Variants in ABI1 observed in about 807,000 individuals in gnomAD.
ABI1 encodes abl interactor 1.
In ABI1, 14 loss-of-function variants were observed where a neutral mutation model predicts 54.6. The ratio of observed to expected loss-of-function variants is 0.26; its 90% CI spans 0.17 to 0.40. ABI1 has a LOEUF of 0.40. Ranked by LOEUF, ABI1 falls within the 10% of genes least tolerant of loss-of-function variation. The pLI, the probability that ABI1 is intolerant of heterozygous loss-of-function variation, is 1.00. For synonymous variants in ABI1, 194 were observed against 209.3 expected, an observed-to-expected ratio of 0.93 and a Z score of 0.63; for missense variants, 443 against 598.3, an observed-to-expected ratio of 0.74 and a Z score of 2.71.
chr10:26,855,586 C>T (rs369189514), intron 1 of ABI1, among the ~76,000 whole-genome samples: 10 of 152,280 alleles, frequency 6.6e-5, no homozygotes, highest in East Asian at 5.8e-4. Context: ...CAATGGAGTA[C>T]GTATTCAATA....
intron 2 of ABI1, among the ~76,000 whole-genome samples, chr10:26,800,340 G>A (rs1449191359): frequency 3.9e-5 from 6 of 152,140 alleles, no homozygotes; most frequent in Non-Finnish European, 7.4e-5. Flanking sequence ...GGCCAAGATC[G>A]CGCCACTGCA....
chr10:26,761,650 A>ATATATATG (rs1839212684), intron 7 of ABI1, among the ~76,000 whole-genome samples: 1 of 124,472 alleles, frequency 8.0e-6, no homozygotes, highest in Non-Finnish European at 1.7e-5. Flanking sequence ...ATATATATAT[A>ATATATATG]TATATATATA....
chr10:26,754,952 C>CA (rs939860113), intron 9 of ABI1, among the ~76,000 whole-genome samples: 36 of 149,246 alleles, frequency 2.4e-4, no homozygotes, highest in East Asian at 5.8e-4. Flanking sequence ...TCCCCCCCCA[C>CA]AAAAAAAAAT....
At chr10:26,780,657 A>C (rs1841993689) in intron 2 of ABI1, among the ~76,000 whole-genome samples, 1 of 152,152 alleles carries the variant, frequency 6.6e-6, no homozygotes, top group Non-Finnish European at 1.5e-5. Context: ...ATGAAGAAAG[A>C]TGATTAGGAG....
At chr10:26,795,905 A>C (rs1006394682) in intron 2 of ABI1, among the ~76,000 whole-genome samples, 1 of 152,294 alleles carries the variant, frequency 6.6e-6, no homozygotes. Flanking sequence ...CCTAAAATCC[A>C]TACAGAGCCA....
Position 26,819,348 on chromosome 10 carries a change from C to A in ABI1, c.285+3790G>T, listed in dbSNP as rs2047812722. On this transcript the variant is annotated intron_variant, in intron 2 of 10. Coordinates refer to ENST00000376140, the MANE Select transcript of ABI1 (RefSeq NM_001012750.3). ...CTACCCAAGATAAAAAGAGGCTTTACAAAGATAAAGGGTCTATTCATCAAG... is the reference window on the plus strand; with the variant it reads ...CTACCCAAGATAAAAAGAGGCTTTAAAAAGATAAAGGGTCTATTCATCAAG... Among the ~76,000 whole-genome samples the A allele has an allele frequency of 2.6e-5, 4 of 152,146 alleles. No individual in the cohort carries two copies. In the Middle Eastern group the frequency reaches 0.01, roughly 388 times the overall value.
At chr10:26,823,081 T>C in intron 2 of ABI1, 57 bp downstream of exon 2, 1 of 1,434,130 alleles carries the variant, frequency 7.0e-7, no homozygotes, top group South Asian at 1.4e-5. Context: ...ATTTACTTCT[T>C]TGGCATATGC....
chr10:26,842,525 G>A (rs972868161), intron 1 of ABI1, among the ~76,000 whole-genome samples: 1 of 152,090 alleles, frequency 6.6e-6, no homozygotes, highest in Non-Finnish European at 1.5e-5. Context: ...TATCTGGTGA[G>A]CTTTTTAAAA....
intron 8 of ABI1, 82 bp from the exon 9 acceptor site, chr10:26,755,823 C>A: frequency 1.0e-6 from 1 of 955,528 alleles, no homozygotes; most frequent in Non-Finnish European, 1.6e-6. Flanking sequence ...AAGTCAGTTA[C>A]AAGGACCACA....
intron 1 of ABI1, among the ~76,000 whole-genome samples, chr10:26,832,357 C>A (rs181981678): frequency 6.6e-6 from 1 of 151,944 alleles, no homozygotes; most frequent in Non-Finnish European, 1.5e-5. Flanking sequence ...CCAAGGCGGG[C>A]GGATCACGAG....
Position 26,746,601 on chromosome 10 carries a change from G to C in ABI1, c.*1969C>G. 5 of 1,009,816 alleles carry C rather than the reference G, an allele frequency of 5.0e-6. No individual in the cohort carries two copies. In the South Asian group the frequency reaches 7.2e-5, roughly 15 times the overall value. 62.6% of individuals were successfully genotyped at this position (1,009,816 alleles called of 1,614,324 possible). Reference sequence around the variant, plus strand: ...TTTAAAAGATATCAAACTTATTGATGGGCAATTTATTTTTTTTTATTGCAA... The same window carrying C: ...TTTAAAAGATATCAAACTTATTGATCGGCAATTTATTTTTTTTTATTGCAA... On this transcript the variant is annotated 3_prime_UTR_variant, in exon 11 of 11. Transcript: ENST00000376140.
At position 26,746,873 on chromosome 10, in the gene ABI1, A is replaced by C. The variant is rs935548240; in HGVS notation, c.*1697T>G. The C allele has an allele frequency of 1.3e-5, 4 of 313,452 alleles. No homozygotes were observed. The highest frequency in any genetic ancestry group is 4.7e-5 in the Admixed American group (1 of 21,228). 19.4% of individuals were successfully genotyped at this position (313,452 alleles called of 1,614,324 possible). A position where few individuals can be genotyped will look rare whatever the true frequency, so the allele number is the denominator to read the frequency against. On this transcript the variant is annotated 3_prime_UTR_variant, in exon 11 of 11. Transcript: ENST00000376140. Reference sequence around the variant, plus strand: ...CTGCATTGAAGTCCACATGAGTTATATTTTAACAGTATCCAAAATTTCATA... The same window carrying C: ...CTGCATTGAAGTCCACATGAGTTATCTTTTAACAGTATCCAAAATTTCATA...
chr10:26,808,211 A>C (rs1428660761), intron 2 of ABI1, among the ~76,000 whole-genome samples: 2 of 152,158 alleles, frequency 1.3e-5, no homozygotes, highest in Non-Finnish European at 2.9e-5. Flanking sequence ...TTTGTTTTTT[A>C]TATTTTGTTC....
intron 1 of ABI1, 113 bp from the exon 2 acceptor site, chr10:26,823,418 A>C (rs561514429): frequency 3.0e-5 from 26 of 878,370 alleles, no homozygotes; most frequent in Middle Eastern, 3.6e-4. Context: ...ATAAAAAAAA[A>C]CTCACTGTAC....
chr10:26,860,640 G>T lies in ABI1; in HGVS notation c.117+107C>A. 1.2e-6 allele frequency: 1 copy of T among 860,612 alleles called. No homozygotes were observed. The highest frequency in any genetic ancestry group is 1.9e-6 in the Non-Finnish European group (1 of 523,018). 53.3% of individuals were successfully genotyped at this position (860,612 alleles called of 1,614,324 possible). ...TGGGGCTGCGGTAGGGGCTCGGGTT[G>T]GTGGCAGCCGCTGAGGTCAGGGCAG... On this transcript the variant is annotated intron_variant, in intron 1 of 10. Transcript: ENST00000376140. This position sits in a 1 kb window ranked among gnomAD's most constrained non-coding sequence, Gnocchi z 4.1.
At chr10:26,778,607 G>T (rs1353379027) in intron 2 of ABI1, among the ~76,000 whole-genome samples, 2 of 151,678 alleles carry the variant, frequency 1.3e-5, no homozygotes, top group South Asian at 4.2e-4. Context: ...AATCGAGAAA[G>T]AACTTCTAAT....
intron 9 of ABI1, among the ~76,000 whole-genome samples, chr10:26,754,564 T>C (rs2132457901): frequency 6.6e-6 from 1 of 152,152 alleles, no homozygotes. Flanking sequence ...TAACATCGGG[T>C]ACACAAATAT....
chr10:26,760,113 T>A (rs1207317345), intron 7 of ABI1, among the ~76,000 whole-genome samples: 1 of 152,016 alleles, frequency 6.6e-6, no homozygotes, highest in Non-Finnish European at 1.5e-5. Flanking sequence ...CATGCTCATA[T>A]ATTTTCATCA....
chr10:26,831,764 T>A (rs2048693924), intron 1 of ABI1, among the ~76,000 whole-genome samples: 2 of 152,190 alleles, frequency 1.3e-5, no homozygotes, highest in South Asian at 4.1e-4. Context: ...ATTCATCTGA[T>A]TGTTTCCTCA....
Sources: gnomAD v4.1 joint callset for allele counts (sites outside exome capture counted in the v4.1 genomes callset) on GRCh38, gnomAD v4.1.1 for gene constraint, Gnocchi (gnomAD v3.1) non-coding constraint, MANE v1.5 for transcripts, NCBI Gene and HGNC (gene_info 2026-07-23, HGNC 2026-07-21) for gene names.